The following ETV1 variants were observed in gnomAD, a reference collection of about 807,000 sequenced individuals.
The protein encoded by ETV1 is ETS variant transcription factor 1.
ETV1 carries 27 observed loss-of-function variants against 62.3 expected under a neutral mutation model. That is an observed-to-expected ratio of 0.43 (90% CI 0.32 to 0.60). ETV1 has a LOEUF of 0.60. ETV1 is among the 20% of genes least tolerant of loss of function. The pLI is 0.06. For missense variants in ETV1, 605 were observed against 605.8 expected (o/e 1.00, Z 0.01); for synonymous variants, 222 against 199.6 (o/e 1.11, Z -0.94).
chr7:13,960,631 A>T lies in ETV1; in HGVS notation c.235+16796T>A, dbSNP rs557892713. Among the ~76,000 whole-genome samples, 6 of 152,238 alleles carry T rather than the reference A, an allele frequency of 3.9e-5. No homozygotes were observed. In the South Asian group the frequency reaches 1.2e-3, roughly 32 times the overall value. ...TAAAATTTGTAAATCTATAAAACTT[A>T]GATTTAAACCTACTCCAAAGCTCAC... On this transcript the variant is annotated intron_variant, in intron 6 of 13. Transcript: ENST00000430479.
At chr7:13,968,315 C>T (rs1327801111) in intron 6 of ETV1, among the ~76,000 whole-genome samples, 3 of 151,810 alleles carry the variant, frequency 2.0e-5, no homozygotes, top group Non-Finnish European at 2.9e-5. Flanking sequence ...ATATTTTTAG[C>T]TTTCATCTTT....
chr7:13,965,884 C>T (rs887520560), intron 6 of ETV1, among the ~76,000 whole-genome samples: 2 of 152,048 alleles, frequency 1.3e-5, no homozygotes, highest in Admixed American at 6.6e-5. Context: ...TGCATGAATA[C>T]GTTTTTTAAA....
At chr7:13,934,841 C>T (rs566437142) in intron 8 of ETV1, among the ~76,000 whole-genome samples, 1 of 152,212 alleles carries the variant, frequency 6.6e-6, no homozygotes, top group Admixed American at 6.6e-5. Context: ...ATGTACATCA[C>T]AGACCCAGCA....
At chr7:13,960,401 A>T (rs1336458188) in intron 6 of ETV1, among the ~76,000 whole-genome samples, 1 of 152,206 alleles carries the variant, frequency 6.6e-6, no homozygotes, top group Non-Finnish European at 1.5e-5. Flanking sequence ...CTACTGAGTT[A>T]TTCAATACTC....
intron 6 of ETV1, among the ~76,000 whole-genome samples, chr7:13,970,782 A>C (rs2128493122): frequency 6.6e-6 from 1 of 152,304 alleles, no homozygotes; most frequent in African/African-American, 2.4e-5. Flanking sequence ...TATGAAAACA[A>C]ACCACAAATG....
chr7:13,977,081 AT>A (rs1171292407), intron 6 of ETV1, among the ~76,000 whole-genome samples: 1 of 152,222 alleles, frequency 6.6e-6, no homozygotes, highest in African/African-American at 2.4e-5. Flanking sequence ...CTGTAAGCAT[AT>A]TGGCAAACTG....
intron 6 of ETV1, among the ~76,000 whole-genome samples, chr7:13,953,536 C>T (rs1037585600): frequency 2.0e-5 from 3 of 152,050 alleles, no homozygotes; most frequent in Non-Finnish European, 2.9e-5. Context: ...CCAGCACTTC[C>T]GGGTGTTTCT....
chr7:13,895,702 C>G lies in ETV1; in HGVS notation c.*164G>C. 3.2e-6 allele frequency: 2 copies of G among 625,958 alleles called. No homozygotes were observed. Among genetic ancestry groups the G allele is most frequent in the South Asian group, 2.0e-5 (1 of 49,250 alleles). The allele number at this position is 625,958 out of a possible 1,614,324, so 38.8% of individuals were successfully genotyped here. A position where few individuals can be genotyped will look rare whatever the true frequency, so the allele number is the denominator to read the frequency against. On this transcript the variant is annotated 3_prime_UTR_variant, in exon 14 of 14. Coordinates refer to ENST00000430479, the MANE Select transcript of ETV1 (RefSeq NM_004956.5). Reference sequence around the variant, plus strand: ...CCCACCCTCAAATAAAGTGCACAGTCCATGGCAGACCATAGAATAATGCAA... The same window carrying G: ...CCCACCCTCAAATAAAGTGCACAGTGCATGGCAGACCATAGAATAATGCAA...
chr7:13,911,601 C>T (rs981526045), intron 9 of ETV1, among the ~76,000 whole-genome samples: 3 of 152,056 alleles, frequency 2.0e-5, no homozygotes, highest in African/African-American at 4.8e-5. Context: ...GAGATGGTGT[C>T]CTTGAAACAG....
chr7:13,955,958 C>T (rs1301569291), intron 6 of ETV1, among the ~76,000 whole-genome samples: 1 of 152,088 alleles, frequency 6.6e-6, no homozygotes, highest in Non-Finnish European at 1.5e-5. Context: ...CTCTTGTCCA[C>T]CTGCACAGTC....
chr7:13,985,676 T>C (rs930488911), intron 5 of ETV1, among the ~76,000 whole-genome samples: 1 of 152,162 alleles, frequency 6.6e-6, no homozygotes, highest in Non-Finnish European at 1.5e-5. Flanking sequence ...AATACTGTTA[T>C]ACACTCAATG....
At chr7:13,979,202 A>T (rs376125697) in intron 5 of ETV1, among the ~76,000 whole-genome samples, 5 of 152,210 alleles carry the variant, frequency 3.3e-5, no homozygotes, top group East Asian at 1.9e-4. Context: ...GTGAAAATAC[A>T]GTTTTTTGGT....
chr7:13,954,169 T>C (rs1789147210), intron 6 of ETV1, among the ~76,000 whole-genome samples: 1 of 152,162 alleles, frequency 6.6e-6, no homozygotes, highest in Admixed American at 6.5e-5. Flanking sequence ...GTCCAATAAA[T>C]GTATTAACAT....
chr7:13,937,594 A>C (rs1479925574), intron 7 of ETV1, among the ~76,000 whole-genome samples: 1 of 152,224 alleles, frequency 6.6e-6, no homozygotes, highest in East Asian at 1.9e-4. Flanking sequence ...ATTAATGCTG[A>C]AAGGCAATGA....
chr7:13,924,050 A>G (rs553853270), intron 9 of ETV1, among the ~76,000 whole-genome samples: 16 of 152,234 alleles, frequency 1.1e-4, no homozygotes, highest in African/African-American at 3.9e-4. Context: ...AAAAAATTAA[A>G]AAAATAAAAT....
chr7:13,973,119 A>G (rs1562702778), intron 6 of ETV1, among the ~76,000 whole-genome samples: 2 of 152,288 alleles, frequency 1.3e-5, no homozygotes, highest in East Asian at 3.9e-4. Context: ...TCTGATCTCT[A>G]TTATTCTACA....
At chr7:13,970,687 T>TA (rs532371940) in intron 6 of ETV1, among the ~76,000 whole-genome samples, 1 of 151,934 alleles carries the variant, frequency 6.6e-6, no homozygotes, top group Admixed American at 6.6e-5. Context: ...AAATTAGTAA[T>TA]AAAAAATCAA....
intron 12 of ETV1, among the ~76,000 whole-genome samples, chr7:13,903,396 C>T (rs1035101707): frequency 2.0e-5 from 3 of 152,152 alleles, no homozygotes; most frequent in African/African-American, 7.2e-5. Context: ...CCTGGTAACT[C>T]TTCCAGCTCA....
At chr7:13,989,884 C>A (rs1283164270), upstream of ETV1, 1 of 332,576 alleles carries the variant, frequency 3.0e-6, no homozygotes, top group African/African-American at 2.1e-5. Context: ...AGCCTGGAAG[C>A]GCCACGGAGA....
Sources: allele counts gnomAD v4.1 joint callset (sites outside exome capture counted in the v4.1 genomes callset), GRCh38; gene constraint gnomAD v4.1.1; transcripts MANE v1.5; gene names NCBI Gene and HGNC (gene_info 2026-07-23, HGNC 2026-07-21).